GMEB1: variants seen among roughly 807,000 people sequenced by gnomAD.
GMEB1 encodes the protein glucocorticoid modulatory element-binding protein 1.
In GMEB1, 6 loss-of-function variants were observed where a neutral mutation model predicts 52.4. The observed-to-expected ratio is 0.11, with a 90% CI of 0.06 to 0.23. The LOEUF (loss-of-function observed/expected upper bound fraction) is 0.23. Ranked by LOEUF, GMEB1 falls within the 10% of genes least tolerant of loss-of-function variation. The pLI, the probability that GMEB1 is intolerant of heterozygous loss-of-function variation, is 1.00. For synonymous variants in GMEB1, 255 were observed against 244.9 expected, an observed-to-expected ratio of 1.04 and a Z score of -0.38; for missense variants, 486 against 685.6, an observed-to-expected ratio of 0.71 and a Z score of 3.25.
chr1:28,704,101 A>T, intron 7 of GMEB1, 91 bp from the exon 8 acceptor site: 2 of 1,162,658 alleles, frequency 1.7e-6, no homozygotes, highest in Non-Finnish European at 2.4e-6. Flanking sequence ...ATTTTGAGTT[A>T]AAATAATTTT....
intron 1 of GMEB1, 122 bp from the exon 2 acceptor site, chr1:28,683,461 G>A (rs1395158695): frequency 6.0e-5 from 43 of 712,626 alleles, no homozygotes; most frequent in Non-Finnish European, 9.6e-5. Context: ...CCAACCTCAG[G>A]CGATCCGCCT....
At chr1:28,674,708 C>CTTTTTT (rs34267851) in intron 1 of GMEB1, among the ~76,000 whole-genome samples, 5 of 49,132 alleles carry the variant, frequency 1.0e-4, no homozygotes, top group African/African-American at 1.7e-4. Flanking sequence ...ATAGTTAATT[C>CTTTTTT]TTTTTTTTTT....
At position 28,702,554 on chromosome 1, in the gene GMEB1, T is replaced by C. The variant is rs1200371801; in HGVS notation, c.715T>C (p.Ser239Pro). 28 of 1,613,422 alleles carry C rather than the reference T, an allele frequency of 1.7e-5. No individual in the cohort carries two copies. The highest frequency in any genetic ancestry group is 2.3e-5 in the Non-Finnish European group (27 of 1,179,718). ...CACGGAGGAGGGTGTAAAGAAAGAC[T>C]CAGAGGAAATTTCAGGTATTCTTCT... is the stretch of plus-strand genomic sequence containing the variant. The part of the protein sequence containing the change: ...MATEEGVKKD[S>P]EEISEDTLMF... The change falls in exon 7 of 10, where the codon TCA (serine) becomes CCA (proline). Residue 239 changes from serine (S) to proline (P), a missense_variant. Physicochemically the swap from Ser to Pro is moderately conservative, Grantham distance 74 (BLOSUM62 -1). Coordinates refer to ENST00000373816, the MANE Select transcript of GMEB1 (RefSeq NM_001319674.2).
intron 7 of GMEB1, among the ~76,000 whole-genome samples, chr1:28,702,895 CA>C (rs542485055): frequency 2.7e-5 from 4 of 148,490 alleles, no homozygotes; most frequent in South Asian, 2.1e-4. Context: ...ACTAAAAATA[CA>C]AAAAAAAAAT....
intron 1 of GMEB1, among the ~76,000 whole-genome samples, chr1:28,682,513 TG>T (rs1268661342): frequency 1.9e-4 from 28 of 148,928 alleles, no homozygotes; most frequent in Middle Eastern, 7.6e-3. Flanking sequence ...CCAAGCTACT[TG>T]GGGAGGGTGA....
intron 6 of GMEB1, among the ~76,000 whole-genome samples, chr1:28,701,999 G>A (rs535956500): frequency 6.6e-6 from 1 of 152,234 alleles, no homozygotes; most frequent in South Asian, 2.1e-4. Flanking sequence ...TAGATGCTTA[G>A]CATCAGACTT....
At chr1:28,668,924 A>AGGGC (rs1356963791) in intron 1 of GMEB1, 85 bp downstream of exon 1, 10 of 136,660 alleles carry the variant, frequency 7.3e-5, no homozygotes, top group East Asian at 2.3e-4. Context: ...GCGGCCGGCG[A>AGGGC]GGGCGGGCGG....
chr1:28,682,319 G>A (rs1259204531), intron 1 of GMEB1, among the ~76,000 whole-genome samples: 1 of 151,930 alleles, frequency 6.6e-6, no homozygotes, highest in African/African-American at 2.4e-5. Context: ...TTCAGTCTGA[G>A]GCAAAGAGTT....
Position 28,714,946 on chromosome 1 carries a change from G to T in GMEB1, c.*173G>T. On this transcript the variant is annotated 3_prime_UTR_variant, in exon 10 of 10. Coordinates refer to ENST00000373816, the MANE Select transcript of GMEB1 (RefSeq NM_001319674.2). ...TCTTCCCACTCCCTCATTGAAAAAT[G>T]GACAAAACAAGCTGCCCTTCCAGAA... 3.4e-6 allele frequency: 2 copies of T among 582,380 alleles called. No individual in the cohort carries two copies. Among genetic ancestry groups the T allele is most frequent in the Non-Finnish European group, 3.0e-6 (1 of 332,444 alleles). 36.1% of individuals were successfully genotyped at this position (582,380 alleles called of 1,614,324 possible).
intron 8 of GMEB1, among the ~76,000 whole-genome samples, chr1:28,706,977 G>GGTT (rs1400064023): frequency 6.0e-5 from 5 of 82,770 alleles, no homozygotes; most frequent in Admixed American, 4.5e-4. Flanking sequence ...TCCAGATTTG[G>GGTT]TTTTTTTTTT....
intron 1 of GMEB1, among the ~76,000 whole-genome samples, chr1:28,672,477 C>G (rs959809376): frequency 1.1e-4 from 16 of 151,606 alleles, no homozygotes; most frequent in African/African-American, 3.6e-4. Flanking sequence ...CCCGCCTCAG[C>G]CTCCCAAAGT....
chr1:28,712,002 T>A (rs1344206048), intron 9 of GMEB1, among the ~76,000 whole-genome samples: 9 of 152,178 alleles, frequency 5.9e-5, no homozygotes, highest in Non-Finnish European at 1.0e-4. Flanking sequence ...TGCTTTTTTT[T>A]TCTTTTTTTT....
rs1557504119 is a variant in GMEB1, at chr1:28,687,368, AC to A, written c.129-2735del. 8.5e-4 allele frequency among the ~76,000 whole-genome samples: 61 copies of A among 71,370 alleles called. 2 individuals are homozygous for A. The highest frequency in any genetic ancestry group is 5.2e-3 in the Middle Eastern group (1 of 194). 46.8% of individuals were successfully genotyped at this position (71,370 alleles called of 152,430 possible). A position where few individuals can be genotyped will look rare whatever the true frequency, so the allele number is the denominator to read the frequency against. On this transcript the variant is annotated intron_variant, in intron 2 of 9. Transcript: ENST00000373816. Reference sequence around the variant, plus strand: ...CACACACACACACACACACACACACACACACACACACACACACACAAAAAAA... The same window carrying A: ...CACACACACACACACACACACACACAACACACACACACACACACAAAAAAA...
intron 6 of GMEB1, among the ~76,000 whole-genome samples, chr1:28,699,512 C>G (rs1670392045): frequency 6.6e-6 from 1 of 151,954 alleles, no homozygotes; most frequent in African/African-American, 2.4e-5. Context: ...TCACTGCAAC[C>G]TCCCCCTCCC....
chr1:28,669,059 T>A (rs976939220), intron 1 of GMEB1, among the ~76,000 whole-genome samples: 5 of 138,636 alleles, frequency 3.6e-5, no homozygotes, highest in Non-Finnish European at 7.8e-5. Flanking sequence ...ACGCTGCCGC[T>A]GGGTCCGCCC....
intron 5 of GMEB1, among the ~76,000 whole-genome samples, chr1:28,694,705 G>A (rs1372657663): frequency 6.7e-6 from 1 of 149,768 alleles, no homozygotes; most frequent in Non-Finnish European, 1.5e-5. Context: ...ATCTTGCTGT[G>A]TCGCCCAGGC....
chr1:28,711,385 TA>T (rs753744585), intron 9 of GMEB1, among the ~76,000 whole-genome samples: 48 of 152,172 alleles, frequency 3.2e-4, no homozygotes, highest in South Asian at 1.2e-3. Flanking sequence ...TTTCTTCAGA[TA>T]TTTTTAATCA....
At chr1:28,677,237 G>A (rs1253881869) in intron 1 of GMEB1, among the ~76,000 whole-genome samples, 1 of 151,868 alleles carries the variant, frequency 6.6e-6, no homozygotes, top group Admixed American at 6.6e-5. Context: ...TTCAAATAAG[G>A]GATGCATAAT....
At chr1:28,695,917 C>T (rs1391034797) in intron 5 of GMEB1, among the ~76,000 whole-genome samples, 21 of 95,208 alleles carry the variant, frequency 2.2e-4, no homozygotes, top group African/African-American at 7.6e-4. Context: ...CCAGCCTGGG[C>T]GACAGAGCGA....
Sources: allele counts gnomAD v4.1 joint callset (sites outside exome capture counted in the v4.1 genomes callset), GRCh38; gene constraint gnomAD v4.1.1; transcripts MANE v1.5; gene names NCBI Gene and HGNC (gene_info 2026-07-23, HGNC 2026-07-21).